Variants in RBM47 observed in about 807,000 individuals in gnomAD.
RBM47 encodes the protein RNA binding motif protein 47, also known as RNA-binding protein 47.
A neutral mutation model predicts 47.1 loss-of-function variants in RBM47; 21 were observed. The ratio of observed to expected loss-of-function variants is 0.45; its 90% confidence interval spans 0.32 to 0.64. The LOEUF is 0.64. Among genes scored for constraint, RBM47 ranks in the 30% least tolerant of loss-of-function variants. The pLI is 0.05. For synonymous variants in RBM47, 375 were observed against 361.7 expected (o/e 1.04, Z -0.42); for missense variants, 708 against 870.9 (o/e 0.81, Z 2.35).
At position 40,436,356 on chromosome 4, in the gene RBM47, G is replaced by A. The variant is rs1008058766; in HGVS notation, c.1330+85C>T. 2.3e-5 allele frequency: 31 copies of A among 1,337,168 alleles called. No individual in the cohort carries two copies. In the East Asian group the frequency reaches 3.2e-4, roughly 14 times the overall value. 82.8% of individuals were successfully genotyped at this position (1,337,168 alleles called of 1,614,324 possible). A position where few individuals can be genotyped will look rare whatever the true frequency, so the allele number is the denominator to read the frequency against. On this transcript the variant is annotated intron_variant, in intron 5 of 6. Transcript: ENST00000295971. ...GAGGAACCCCTGTGCAGATGTGAGA[G>A]CCTGAAAAACGCTTGGATTCACTTC...
chr4:40,504,664 G>T (rs1723852427), intron 2 of RBM47, among the ~76,000 whole-genome samples: 2 of 152,088 alleles, frequency 1.3e-5, no homozygotes, highest in African/African-American at 4.8e-5. Flanking sequence ...GAATTAGACT[G>T]TTTATTTCTA....
intron 2 of RBM47, among the ~76,000 whole-genome samples, chr4:40,540,394 C>G (rs960182262): frequency 6.6e-6 from 1 of 152,090 alleles, no homozygotes; most frequent in African/African-American, 2.4e-5. Flanking sequence ...AATCCCAGCA[C>G]TTTGGGAGGC....
Position 40,620,378 on chromosome 4 carries a change from G to A in RBM47, c.-240+9018C>T, listed in dbSNP as rs558129559. 2.1e-4 allele frequency among the ~76,000 whole-genome samples: 32 copies of A among 151,048 alleles called. 1 individual carries two copies. The South Asian group carries it at 5.2e-3, about 25-fold the overall frequency. ...AAATTAGCCAGGCATGGTGGCAGGC[G>A]CCTGTAATCCCAGCTAGCCAGGAGG... On this transcript the variant is annotated intron_variant, in intron 1 of 6. Coordinates refer to ENST00000295971, the MANE Select transcript of RBM47 (RefSeq NM_001098634.2).
chr4:40,529,611 ATCACCCGAAG>A (rs1412463921), intron 2 of RBM47, among the ~76,000 whole-genome samples: 1 of 149,612 alleles, frequency 6.7e-6, no homozygotes, highest in Non-Finnish European at 1.5e-5. Context: ...AGGTGGGCAG[ATCACCCGAAG>A]AGCTCGAGAC....
intron 1 of RBM47, among the ~76,000 whole-genome samples, chr4:40,587,197 C>CG (rs1733677320): frequency 6.6e-6 from 1 of 151,908 alleles, no homozygotes; most frequent in Admixed American, 6.6e-5. Context: ...TAGAGACAAG[C>CG]GGGGGAAAAC....
In RBM47 at chr4:40,628,663, A is replaced by T. The variant is rs74601729; in HGVS notation, c.-240+733T>A. 1.0e-4 allele frequency among the ~76,000 whole-genome samples: 14 copies of T among 136,412 alleles called. No individual in the cohort carries two copies. Among genetic ancestry groups the T allele is most frequent in the East Asian group, 2.2e-4 (1 of 4,458 alleles). 89.5% of individuals were successfully genotyped at this position (136,412 alleles called of 152,430 possible). ...GTGAGTCATTAAAATACCACCAGAT[A>T]AAAAAAAAAGGTTTGATTTTTAGTT... is the stretch of plus-strand genomic sequence containing the variant. On this transcript the variant is annotated intron_variant, in intron 1 of 6. Transcript: ENST00000295971. This position sits in a 1 kb window ranked among gnomAD's most constrained non-coding sequence, Gnocchi z 4.0.
intron 1 of RBM47, among the ~76,000 whole-genome samples, chr4:40,562,623 GC>G (rs1241218859): frequency 6.6e-6 from 1 of 151,788 alleles, no homozygotes; most frequent in African/African-American, 2.4e-5. Flanking sequence ...GCGCCACCAC[GC>G]CCGGCTAATT....
At chr4:40,566,892 C>G (rs968212856) in intron 1 of RBM47, among the ~76,000 whole-genome samples, 1 of 151,900 alleles carries the variant, frequency 6.6e-6, no homozygotes, top group Non-Finnish European at 1.5e-5. Flanking sequence ...CATGAGTCCT[C>G]CCACCTCGTC....
intron 1 of RBM47, among the ~76,000 whole-genome samples, chr4:40,549,043 C>A (rs1475306312): frequency 6.6e-6 from 1 of 151,798 alleles, no homozygotes. Flanking sequence ...CATCAGGAAA[C>A]TAACCTTACT....
intron 2 of RBM47, among the ~76,000 whole-genome samples, chr4:40,480,442 A>C (rs1720229393): frequency 6.6e-6 from 1 of 152,010 alleles, no homozygotes; most frequent in South Asian, 2.1e-4. Context: ...CTTTCCTCCT[A>C]ATTAGCTACC....
chr4:40,582,915 C>T (rs1322337439), intron 1 of RBM47, among the ~76,000 whole-genome samples: 1 of 152,224 alleles, frequency 6.6e-6, no homozygotes, highest in Admixed American at 6.5e-5. Context: ...GCAACTGTAA[C>T]ATTGCATTGC....
intron 2 of RBM47, chr4:40,542,982 A>G (rs1270750261): frequency 6.6e-6 from 1 of 152,206 alleles, no homozygotes; most frequent in Admixed American, 6.6e-5. Flanking sequence ...TTACTTCTTA[A>G]TTATGCTACA....
At chr4:40,594,495 T>A (rs906127100) in intron 1 of RBM47, among the ~76,000 whole-genome samples, 3 of 113,666 alleles carry the variant, frequency 2.6e-5, no homozygotes, top group Non-Finnish European at 5.6e-5. Context: ...GAGGAGCATA[T>A]AAACTGTCAA....
At chr4:40,598,549 C>T (rs538060017) in intron 1 of RBM47, among the ~76,000 whole-genome samples, 89 of 151,874 alleles carry the variant, frequency 5.9e-4, no homozygotes, top group Admixed American at 3.4e-3. Flanking sequence ...TGCGCCCGGC[C>T]CCAATCATAG....
Position 40,522,967 on chromosome 4 carries a change from C to CT in RBM47, c.-155+21454dup, listed in dbSNP as rs529306760. 9.5e-3 allele frequency among the ~76,000 whole-genome samples: 1,108 copies of CT among 116,858 alleles called. 16 individuals carry two copies. The highest frequency in any genetic ancestry group is 0.055 in the East Asian group (219 of 3,956). 76.7% of individuals were successfully genotyped at this position (116,858 alleles called of 152,430 possible). A position where few individuals can be genotyped will look rare whatever the true frequency, so the allele number is the denominator to read the frequency against. On this transcript the variant is annotated intron_variant, in intron 2 of 6. Coordinates refer to ENST00000295971, the MANE Select transcript of RBM47 (RefSeq NM_001098634.2). ...AAAGCACTTTGCATTTCTCAAAAAT[C>CT]TTTTTTTTTTTTTTTTTTTTTACAC...
At chr4:40,448,462 T>A (rs919161881) in intron 3 of RBM47, among the ~76,000 whole-genome samples, 1 of 152,314 alleles carries the variant, frequency 6.6e-6, no homozygotes, top group South Asian at 2.1e-4. Context: ...TAAAATGTGT[T>A]GATCCAAGAG....
chr4:40,616,573 C>G (rs1384732053), intron 1 of RBM47, among the ~76,000 whole-genome samples: 2 of 152,036 alleles, frequency 1.3e-5, no homozygotes, highest in Non-Finnish European at 2.9e-5. Flanking sequence ...ATCCCCAGTT[C>G]GCTTTAGGTA....
chr4:40,580,894 C>T (rs968610533), intron 1 of RBM47, among the ~76,000 whole-genome samples: 6 of 152,252 alleles, frequency 3.9e-5, no homozygotes, highest in African/African-American at 1.4e-4. Context: ...AACAAAGAGA[C>T]AGGGAGCCTA....
intron 2 of RBM47, among the ~76,000 whole-genome samples, chr4:40,528,813 T>G (rs1352087139): frequency 1.3e-5 from 2 of 151,046 alleles, no homozygotes; most frequent in South Asian, 2.1e-4. Context: ...CATGGTGGCA[T>G]GCGCCTGTGG....
Sources: allele counts gnomAD v4.1 joint callset (sites outside exome capture counted in the v4.1 genomes callset), GRCh38; gene constraint gnomAD v4.1.1; non-coding constraint Gnocchi (gnomAD v3.1); transcripts MANE v1.5; gene names NCBI Gene and HGNC (gene_info 2026-07-23, HGNC 2026-07-21).